KIF16B: variants seen among roughly 807,000 people sequenced by gnomAD.
KIF16B encodes kinesin family member 16B, also known as kinesin-like protein KIF16B.
Under a neutral mutation model 156.3 loss-of-function variants are expected in KIF16B, and 98 were observed. The ratio of observed to expected loss-of-function variants is 0.63; its 90% CI spans 0.53 to 0.74. The LOEUF (loss-of-function observed/expected upper bound fraction) is 0.74, where lower values mean the gene tolerates loss of function less well. KIF16B is among the 30% of genes least tolerant of loss of function. The pLI, the probability that KIF16B is intolerant of heterozygous loss-of-function variation, is 0.00. For synonymous variants in KIF16B, 564 were observed against 583.7 expected (o/e 0.97, Z 0.49); for missense variants, 1,421 against 1,606.5 (o/e 0.88, Z 1.97).
chr20:16,381,143 C>G (rs546000961), intron 18 of KIF16B, among the ~76,000 whole-genome samples: 1 of 152,140 alleles, frequency 6.6e-6, no homozygotes, highest in East Asian at 1.9e-4. Flanking sequence ...AGAATTATTT[C>G]AGAACATATA....
chr20:16,366,657 T>C (rs1275411946), intron 22 of KIF16B, among the ~76,000 whole-genome samples: 2 of 152,200 alleles, frequency 1.3e-5, no homozygotes, highest in Admixed American at 6.5e-5. Flanking sequence ...CGGGTCCTCA[T>C]AGGAAGCTTG....
intron 15 of KIF16B, among the ~76,000 whole-genome samples, chr20:16,419,017 C>T (rs1022235293): frequency 6.6e-6 from 1 of 151,932 alleles, no homozygotes; most frequent in African/African-American, 2.4e-5. Flanking sequence ...GAATCACAGA[C>T]ATAAAAAACC....
intron 12 of KIF16B, among the ~76,000 whole-genome samples, chr20:16,436,135 A>G (rs149861084): frequency 3.4e-3 from 507 of 151,248 alleles, no homozygotes; most frequent in African/African-American, 0.011. Context: ...TAATTGTTCT[A>G]CATTTTTTTC....
intron 22 of KIF16B, among the ~76,000 whole-genome samples, chr20:16,364,907 T>C (rs1230924698): frequency 6.6e-6 from 1 of 152,206 alleles, no homozygotes; most frequent in Non-Finnish European, 1.5e-5. Context: ...CTCTGAGAAA[T>C]CCTAAAGGCC....
intron 12 of KIF16B, among the ~76,000 whole-genome samples, chr20:16,474,561 A>AG (rs2067756787): frequency 6.6e-6 from 1 of 152,246 alleles, no homozygotes; most frequent in African/African-American, 2.4e-5. Context: ...CATGTGGCAT[A>AG]GGTCTGCTAT....
chr20:16,281,686 C>T (rs1343584443), intron 25 of KIF16B, among the ~76,000 whole-genome samples: 1 of 152,162 alleles, frequency 6.6e-6, no homozygotes, highest in Non-Finnish European at 1.5e-5. Flanking sequence ...GTTTGGGTAA[C>T]TCATCCATCC....
At chr20:16,511,889 G>A (rs568674664) in intron 5 of KIF16B, among the ~76,000 whole-genome samples, 112 of 152,304 alleles carry the variant, frequency 7.4e-4, no homozygotes, top group African/African-American at 2.4e-3. Flanking sequence ...GGTGGCTCAC[G>A]TCTGTAATAC....
intron 25 of KIF16B, among the ~76,000 whole-genome samples, chr20:16,279,385 G>T (rs2063112238): frequency 6.6e-6 from 1 of 152,160 alleles, no homozygotes; most frequent in African/African-American, 2.4e-5. Flanking sequence ...CAGGAAAGCT[G>T]GGCAGTTTCA....
At chr20:16,327,588 A>G (rs1203517618) in intron 24 of KIF16B, among the ~76,000 whole-genome samples, 1 of 152,150 alleles carries the variant, frequency 6.6e-6, no homozygotes, top group East Asian at 1.9e-4. Context: ...TTTACTGAAT[A>G]AGAAATTCCT....
At chr20:16,493,882 A>G (rs1337161635) in intron 12 of KIF16B, among the ~76,000 whole-genome samples, 3 of 152,206 alleles carry the variant, frequency 2.0e-5, no homozygotes, top group African/African-American at 4.8e-5. Context: ...CGTGCTTTGC[A>G]AGCATATTCT....
chr20:16,527,357 T>G (rs774943319), intron 2 of KIF16B, among the ~76,000 whole-genome samples: 4 of 152,152 alleles, frequency 2.6e-5, no homozygotes, highest in Non-Finnish European at 4.4e-5. Flanking sequence ...CTTCTACCAT[T>G]GGAGATCAAC....
chr20:16,368,076 A>G (rs1600220827), intron 22 of KIF16B: 1 of 1,337,098 alleles, frequency 7.5e-7, no homozygotes, highest in East Asian at 3.1e-5. Context: ...CAAGCCAGTA[A>G]ATGCCTTTGA....
At chr20:16,287,399 T>C (rs1027598209) in intron 25 of KIF16B, among the ~76,000 whole-genome samples, 14 of 152,226 alleles carry the variant, frequency 9.2e-5, no homozygotes, top group Admixed American at 2.6e-4. Context: ...CTTGATGTTA[T>C]AGAGAAGTCT....
At chr20:16,410,040 T>TAC (rs2065895820) in intron 15 of KIF16B, among the ~76,000 whole-genome samples, 1 of 89,988 alleles carries the variant, frequency 1.1e-5, no homozygotes. Context: ...TAGGTACATA[T>TAC]ATATATGTTG....
At chr20:16,343,423 A>G (rs1317880806) in intron 23 of KIF16B, among the ~76,000 whole-genome samples, 1 of 152,224 alleles carries the variant, frequency 6.6e-6, no homozygotes. Flanking sequence ...TCAAGGAATC[A>G]TACTCCAACC....
intron 25 of KIF16B, among the ~76,000 whole-genome samples, chr20:16,274,196 A>G (rs747424167): frequency 5.9e-5 from 9 of 152,198 alleles, no homozygotes; most frequent in Non-Finnish European, 1.0e-4. Context: ...AATAAAGGGA[A>G]AGCAATACTG....
chr20:16,433,458 T>A (rs2066558223), intron 12 of KIF16B, among the ~76,000 whole-genome samples: 1 of 152,194 alleles, frequency 6.6e-6, no homozygotes, highest in Non-Finnish European at 1.5e-5. Context: ...CTTTCTTTTT[T>A]TAACCATTGA....
intron 23 of KIF16B, among the ~76,000 whole-genome samples, chr20:16,345,651 A>G (rs1204803788): frequency 1.3e-5 from 2 of 152,234 alleles, no homozygotes; most frequent in African/African-American, 4.8e-5. Flanking sequence ...GAGGCTCCTA[A>G]AAGACACGTT....
At chr20:16,347,184 G>A (rs1233100366) in intron 23 of KIF16B, among the ~76,000 whole-genome samples, 4 of 152,092 alleles carry the variant, frequency 2.6e-5, no homozygotes, top group African/African-American at 4.8e-5. Context: ...CTGTGACTCC[G>A]TTCTTAAAAA....
Sources: allele counts gnomAD v4.1 joint callset (sites outside exome capture counted in the v4.1 genomes callset), GRCh38; gene constraint gnomAD v4.1.1; transcripts MANE v1.5; gene names NCBI Gene and HGNC (gene_info 2026-07-23, HGNC 2026-07-21).